Variants in NEFM observed in about 807,000 individuals in gnomAD.
NEFM encodes the protein neurofilament medium polypeptide.
Under a neutral mutation model 48.1 loss-of-function variants are expected in NEFM, and 16 were observed. The ratio of observed to expected loss-of-function variants is 0.33; its 90% confidence interval spans 0.23 to 0.51. The LOEUF is 0.51. Among genes scored for constraint, NEFM ranks in the 20% least tolerant of loss-of-function variants. The probability of loss-of-function intolerance (pLI) is 0.98; values close to 1 mark genes in which losing one functional copy is unlikely to be tolerated. For synonymous variants in NEFM, 465 were observed against 456.9 expected, an observed-to-expected ratio of 1.02 and a Z score of -0.23; for missense variants, 1,107 against 1,136.0, an observed-to-expected ratio of 0.97 and a Z score of 0.37.
At position 24,914,622 on chromosome 8, in the gene NEFM, C is replaced by A; in HGVS notation, c.829C>A (p.Leu277Ile). 1 of 1,614,236 alleles carries A rather than the reference C, an allele frequency of 6.2e-7. No homozygotes were observed. The highest frequency in any genetic ancestry group is 8.5e-7 in the Non-Finnish European group (1 of 1,180,048). Residue 277 changes from leucine (L) to isoleucine (I), a missense_variant, in exon 1 of 3, where the codon CTC (leucine) becomes ATC (isoleucine). Around this residue, in one of 3 missense-constraint regions of NEFM, gnomAD observed 917 missense variants for 916.4 expected, o/e 1.00. Coordinates refer to ENST00000221166, the MANE Select transcript of NEFM (RefSeq NM_005382.2). ...STALKEIRSQ[L>I]ESHSDQNMHQ... ...GGCGCTGAAGGAAATCCGCTCCCAG[C>A]TCGAAAGCCACTCAGACCAGAATAT...
Position 24,913,804 on chromosome 8 carries a change from C to A in NEFM, c.11C>A (p.Thr4Lys), listed in dbSNP as rs1172159091. 6 of 1,608,838 alleles carry A rather than the reference C, an allele frequency of 3.7e-6. No individual in the cohort carries two copies. The highest frequency in any genetic ancestry group is 5.1e-6 in the Non-Finnish European group (6 of 1,178,312). MSY[T>K]LDSLGNPSAY... ...CCCAAGGCCTCCAAGATGAGCTACA[C>A]GTTGGACTCGCTGGGCAACCCGTCC... is the stretch of plus-strand genomic sequence containing the variant. The change falls in exon 1 of 3, where the codon ACG becomes AAG. Residue 4 changes from threonine (T) to lysine (K), a missense_variant. Coordinates refer to ENST00000221166, the MANE Select transcript of NEFM (RefSeq NM_005382.2).
chr8:24,917,642 C>A lies in NEFM; in HGVS notation c.1787C>A (p.Ala596Asp), dbSNP rs146894728. Residue 596 changes from alanine to aspartate, a missense_variant, in exon 3 of 3, where the codon GCT becomes GAT. Coordinates refer to ENST00000221166, the MANE Select transcript of NEFM (RefSeq NM_005382.2). ...GTGGAGGAAAAGAGTGAGGAAGTGG[C>A]TACCAAGGAGGAGCTGGTGGCAGAT... is the stretch of plus-strand genomic sequence containing the variant. ...KKVEEKSEEVATKEELVADAK... is the reference protein window; with the variant it reads ...KKVEEKSEEVDTKEELVADAK... 829 of 1,613,178 alleles carry A rather than the reference C, an allele frequency of 5.1e-4. 4 individuals carry two copies. The African/African-American group carries it at 9.9e-3, about 19-fold the overall frequency.
At position 24,913,824 on chromosome 8, in the gene NEFM, C is replaced by A; in HGVS notation, c.31C>A (p.Pro11Thr). 6.2e-7 allele frequency: 1 copy of A among 1,610,888 alleles called. No individual in the cohort carries two copies. Among genetic ancestry groups the A allele is most frequent in the Non-Finnish European group, 8.5e-7 (1 of 1,179,170 alleles). The change falls in exon 1 of 3, where the codon CCG becomes ACG. Residue 11 changes from proline (P) to threonine (T), a missense_variant. Pro to Thr is a conservative substitution (Grantham distance 38). This residue lies in a region of NEFM where 186 missense variants were observed against 200.6 expected (regional missense o/e 0.93). Coordinates refer to ENST00000221166, the MANE Select transcript of NEFM (RefSeq NM_005382.2). The part of the protein sequence containing the change: MSYTLDSLGN[P>T]SAYRRVTETR... ...CTACACGTTGGACTCGCTGGGCAAC[C>A]CGTCCGCCTACCGGCGGGTAACCGA...
rs1335833233 is a variant in NEFM, at chr8:24,914,871, C to G, written c.1078C>G (p.Gln360Glu). The G allele has an allele frequency of 3.1e-6, 5 of 1,588,118 alleles. No individual in the cohort carries two copies. The highest frequency in any genetic ancestry group is 1.3e-5 in the African/African-American group (1 of 74,394). The change falls in exon 1 of 3, where the codon CAG (glutamine) becomes GAG (glutamate). Residue 360 changes from glutamine to glutamate, a missense_variant and splice_region_variant. This residue lies in a region of NEFM where 917 missense variants were observed against 916.4 expected (regional missense o/e 1.00). Coordinates refer to ENST00000221166, the MANE Select transcript of NEFM (RefSeq NM_005382.2). ...ERHNHDLSSYQDTIQQLENEL... is the reference protein window; with the variant it reads ...ERHNHDLSSYEDTIQQLENEL... ...CCACAACCACGACCTCAGCAGCTACCAGGTAGGAACCGCGGCTGCGCGGCC... is the reference window on the plus strand; with the variant it reads ...CCACAACCACGACCTCAGCAGCTACGAGGTAGGAACCGCGGCTGCGCGGCC...
rs1802533803 is a variant in NEFM, at chr8:24,914,002, C to A, written c.209C>A (p.Ser70Tyr). The change falls in exon 1 of 3, where the codon TCC becomes TAC. Residue 70 changes from serine to tyrosine, a missense_variant. Ser to Tyr is a moderately radical substitution (Grantham distance 144, BLOSUM62 -2). Coordinates refer to ENST00000221166, the MANE Select transcript of NEFM (RefSeq NM_005382.2). ...GCTTACAGCTCGGCCATGCTCAGCT[C>A]CGCCGAGAGCAGCCTTGACTTCAGC... is the stretch of plus-strand genomic sequence containing the variant. ...RLAYSSAMLS[S>Y]AESSLDFSQS... 1 of 1,612,062 alleles carries A rather than the reference C, an allele frequency of 6.2e-7. No individual in the cohort carries two copies. The highest frequency in any genetic ancestry group is 1.7e-5 in the Admixed American group (1 of 60,008).
chr8:24,914,384 C>G lies in NEFM; in HGVS notation c.591C>G (p.Asp197Glu), dbSNP rs761463013. The change falls in exon 1 of 3, where the codon GAC becomes GAG. Residue 197 changes from aspartate (D) to glutamate (E), a missense_variant. Physicochemically the swap from Asp to Glu is conservative, Grantham distance 45. This residue lies in a region of NEFM where 917 missense variants were observed against 916.4 expected (regional missense o/e 1.00). Coordinates refer to ENST00000221166, the MANE Select transcript of NEFM (RefSeq NM_005382.2). Reference protein sequence around the residue: ...ERFEEEARLRDDTEAAIRALR... With the variant: ...ERFEEEARLREDTEAAIRALR... ...TTGAGGAGGAGGCGCGGTTGCGCGA[C>G]GACACTGAGGCGGCCATCCGCGCGC... is the stretch of plus-strand genomic sequence containing the variant. The G allele has an allele frequency of 3.1e-6, 5 of 1,613,630 alleles. No individual in the cohort carries two copies. The highest frequency in any genetic ancestry group is 2.2e-5 in the East Asian group (1 of 44,860).
intron 2 of NEFM, among the ~76,000 whole-genome samples, chr8:24,916,495 G>A (rs143457695): frequency 3.3e-5 from 5 of 152,244 alleles, no homozygotes; most frequent in African/African-American, 9.6e-5. Flanking sequence ...AATATAACGA[G>A]AATAAATTGC....
intron 2 of NEFM, among the ~76,000 whole-genome samples, chr8:24,916,175 G>T (rs1456749769): frequency 6.6e-6 from 1 of 152,076 alleles, no homozygotes. Context: ...ATCTGGCTGA[G>T]AATAGATATA....
At position 24,918,224 on chromosome 8, in the gene NEFM, A is replaced by G. The variant is rs767496753; in HGVS notation, c.2369A>G (p.Lys790Arg). 1 of 1,559,960 alleles carries G rather than the reference A, an allele frequency of 6.4e-7. No individual in the cohort carries two copies. Among genetic ancestry groups the G allele is most frequent in the Admixed American group, 1.9e-5 (1 of 51,454 alleles). ...EGGSEEEGSD[K>R]GAKGSRKEDI... is the part of the protein sequence containing the mutation. ...GGAAGTGAGGAGGAAGGGAGTGATAAAGGTGCCAAGGGATCCAGGAAGGAA... is the reference window on the plus strand; with the variant it reads ...GGAAGTGAGGAGGAAGGGAGTGATAGAGGTGCCAAGGGATCCAGGAAGGAA... Residue 790 changes from lysine (K) to arginine (R), a missense_variant, in exon 3 of 3, where the codon AAA (lysine) becomes AGA (arginine). By Grantham distance (26) the Lys-to-Arg change is conservative (BLOSUM62 2). Coordinates refer to ENST00000221166, the MANE Select transcript of NEFM (RefSeq NM_005382.2).
In NEFM at chr8:24,917,446, G is replaced by A. The variant is rs138461187; in HGVS notation, c.1591G>A (p.Glu531Lys). 43 of 1,555,752 alleles carry A rather than the reference G, an allele frequency of 2.8e-5. No homozygotes were observed. The East Asian group carries it at 1.0e-3, about 38-fold the overall frequency. The change falls in exon 3 of 3, where the codon GAA (glutamate) becomes AAA (lysine). Residue 531 changes from glutamate to lysine, a missense_variant. Coordinates refer to ENST00000221166, the MANE Select transcript of NEFM (RefSeq NM_005382.2). ...AGAGGAAGGGGAAAAGGAGGAAGAA[G>A]AAGGCCAGGAAGAAGAGGAGGAAGA... ...KEEEGEKEEE[E>K]GQEEEEEEDE... is the part of the protein sequence containing the mutation.
chr8:24,915,316 C>T (rs562276316), intron 1 of NEFM: 3 of 1,301,254 alleles, frequency 2.3e-6, no homozygotes, highest in Admixed American at 6.6e-5. Context: ...TGGAGTTTCC[C>T]CATGCATGTT....
In NEFM at chr8:24,918,499, A is replaced by AAGGTTGAAG; in HGVS notation, c.2647_2655dup (p.Val883_Glu885dup). The AAGGTTGAAG allele has an allele frequency of 6.2e-7, 1 of 1,614,104 alleles. No homozygotes were observed. Among genetic ancestry groups the AAGGTTGAAG allele is most frequent in the Non-Finnish European group, 8.5e-7 (1 of 1,180,018 alleles). ...CACTAAATCTGTAACCGTCACTCAA[A>AAGGTTGAAG]AGGTTGAAGAGCATGAAGAGACCTT... is the stretch of plus-strand genomic sequence containing the variant. On this transcript the variant is annotated inframe_insertion, in exon 3 of 3. Transcript: ENST00000221166.
chr8:24,917,334 A>G lies in NEFM; in HGVS notation c.1479A>G (p.Glu493=), dbSNP rs1404582424. 1.9e-6 allele frequency: 3 copies of G among 1,612,566 alleles called. No individual in the cohort carries two copies. Among genetic ancestry groups the G allele is most frequent in the Admixed American group, 3.3e-5 (2 of 59,742 alleles). ...AGGAAGAGAAGAAAGAAGCAGCAGA[A>G]GAAAAGGAAGAGGAACCCGAAGCTG... ...SMKEEKKEAA[E]EKEEEPEAEE... is the part of the protein sequence containing the mutation. Residue 493 remains glutamate (E), a synonymous_variant, in exon 3 of 3, where the codon GAA becomes GAG. Transcript: ENST00000221166.
At chr8:24,917,031 A>T (rs1411509003) in intron 2 of NEFM, 30 bp from the exon 3 acceptor site, 2 of 1,599,842 alleles carry the variant, frequency 1.3e-6, no homozygotes, top group African/African-American at 1.3e-5. Flanking sequence ...AATTTTTACT[A>T]TGTCTTATGT....
rs751034774 is a variant in NEFM, at chr8:24,918,214, G to A, written c.2359G>A (p.Gly787Arg). The change falls in exon 3 of 3, where the codon GGG becomes AGG. Residue 787 changes from glycine to arginine, a missense_variant. Physicochemically the swap from Gly to Arg is moderately radical, Grantham distance 125. Around this residue, in one of 3 missense-constraint regions of NEFM, gnomAD observed 917 missense variants for 916.4 expected, o/e 1.00. Coordinates refer to ENST00000221166, the MANE Select transcript of NEFM (RefSeq NM_005382.2). ...AGGEGGSEEE[G>R]SDKGAKGSRK... ...AGGAGAGGGAGGAAGTGAGGAGGAAGGGAGTGATAAAGGTGCCAAGGGATC... is the reference window on the plus strand; with the variant it reads ...AGGAGAGGGAGGAAGTGAGGAGGAAAGGAGTGATAAAGGTGCCAAGGGATC... 1.9e-6 allele frequency: 3 copies of A among 1,555,180 alleles called. No individual in the cohort carries two copies. Among genetic ancestry groups the A allele is most frequent in the African/African-American group, 1.4e-5 (1 of 72,994 alleles).
rs1802552904 is a variant in NEFM at position 24,915,095 on chromosome 8, C to G, written c.1080+222C>G. The G allele has an allele frequency of 2.2e-6, 3 of 1,365,376 alleles. No homozygotes were observed. The South Asian group carries it at 5.4e-5, about 25-fold the overall frequency. 84.6% of individuals were successfully genotyped at this position (1,365,376 alleles called of 1,614,324 possible). On this transcript the variant is annotated intron_variant, in intron 1 of 2. Transcript: ENST00000221166. ...TGCCCCAGCTGCTAAGGGTCTTGAC[C>G]TTTTTCAGAAACGTGCATCTTTTCC...
At position 24,917,240 on chromosome 8, in the gene NEFM, T is replaced by A; in HGVS notation, c.1385T>A (p.Val462Glu). ...FVEEIIEETK[V>E]EDEKSEMEEA... ...GAGGAGATCATAGAGGAAACCAAAG[T>A]GGAGGATGAGAAGTCAGAAATGGAA... Residue 462 changes from valine to glutamate, a missense_variant, in exon 3 of 3, where the codon GTG (valine) becomes GAG (glutamate). Val to Glu is a moderately radical substitution (Grantham distance 121). This residue lies in a region of NEFM where 917 missense variants were observed against 916.4 expected (regional missense o/e 1.00). Coordinates refer to ENST00000221166, the MANE Select transcript of NEFM (RefSeq NM_005382.2). 3 of 1,613,620 alleles carry A rather than the reference T, an allele frequency of 1.9e-6. No individual in the cohort carries two copies. The highest frequency in any genetic ancestry group is 2.5e-6 in the Non-Finnish European group (3 of 1,179,948).
At position 24,917,212 on chromosome 8, in the gene NEFM, G is replaced by A; in HGVS notation, c.1357G>A (p.Val453Ile). ...APKLKVQHKF[V>I]EEIIEETKVE... ...CAAGCTTAAGGTCCAACACAAATTT[G>A]TCGAGGAGATCATAGAGGAAACCAA... Residue 453 changes from valine to isoleucine, a missense_variant, in exon 3 of 3, where the codon GTC becomes ATC. Coordinates refer to ENST00000221166, the MANE Select transcript of NEFM (RefSeq NM_005382.2). 1 of 1,614,112 alleles carries A rather than the reference G, an allele frequency of 6.2e-7. No homozygotes were observed.
chr8:24,914,066 C>T lies in NEFM; in HGVS notation c.273C>T (p.Gly91=), dbSNP rs1260492787. The T allele has an allele frequency of 6.2e-7, 1 of 1,612,816 alleles. No homozygotes were observed. Among genetic ancestry groups the T allele is most frequent in the Non-Finnish European group, 8.5e-7 (1 of 1,179,930 alleles). Residue 91 remains glycine (G), a synonymous_variant, in exon 1 of 3, where the codon GGC becomes GGT. Transcript: ENST00000221166. ...SSLLNGGSGP[G]GDYKLSRSNE... is the part of the protein sequence containing the mutation. Reference sequence around the variant, plus strand: ...TGCTCAACGGCGGCTCCGGACCCGGCGGCGACTACAAGCTGTCCCGCTCCA... The same window carrying T: ...TGCTCAACGGCGGCTCCGGACCCGGTGGCGACTACAAGCTGTCCCGCTCCA...
Sources: allele counts gnomAD v4.1 joint callset (sites outside exome capture counted in the v4.1 genomes callset), GRCh38; gene constraint gnomAD v4.1.1; regional missense constraint gnomAD v4.1.1; transcripts MANE v1.5; gene names NCBI Gene and HGNC (gene_info 2026-07-23, HGNC 2026-07-21).